KALRN: variants seen among roughly 807,000 people sequenced by gnomAD.
KALRN encodes kalirin.
KALRN carries 70 observed loss-of-function variants against 353.7 expected under a neutral mutation model. The ratio of observed to expected loss-of-function variants is 0.20; its 90% CI spans 0.16 to 0.24. KALRN has a LOEUF of 0.24. KALRN is among the 10% of genes least tolerant of loss of function. The pLI, the probability that KALRN is intolerant of heterozygous loss-of-function variation, is 1.00. For synonymous variants in KALRN, 1,391 were observed against 1,434.8 expected (o/e 0.97, Z 0.69); for missense variants, 2,791 against 3,756.7 (o/e 0.74, Z 6.72).
chr3:124,130,756 G>A (rs2065182858), intron 1 of KALRN, among the ~76,000 whole-genome samples: 1 of 152,104 alleles, frequency 6.6e-6, no homozygotes, highest in African/African-American at 2.4e-5. Context: ...CAGTAGAATG[G>A]ATAAATACAT....
At position 124,446,819 on chromosome 3, in the gene KALRN, T is replaced by C. The variant is rs2093855496; in HGVS notation, c.3486T>C (p.Thr1162=). The C allele has an allele frequency of 1.2e-6, 2 of 1,614,002 alleles. No homozygotes were observed. The highest frequency in any genetic ancestry group is 1.1e-5 in the South Asian group (1 of 91,066). ...TTTACCTCTCAACACATACCTCCAC[T>C]GGAGAGACCACAGAGGAGACTCAGG... ...GEFYLSTHTS[T]GETTEETQEL... Residue 1162 remains threonine, a synonymous_variant, in exon 21 of 60, where the codon ACT becomes ACC. Coordinates refer to ENST00000682506, the MANE Select transcript of KALRN (RefSeq NM_001388419.1).
At chr3:124,445,349 GA>G (rs2150658253) in intron 19 of KALRN, among the ~76,000 whole-genome samples, 1 of 152,268 alleles carries the variant, frequency 6.6e-6, no homozygotes, top group Admixed American at 6.5e-5. Context: ...AAATAAATTT[GA>G]TTGCTTCCAG....
intron 1 of KALRN, among the ~76,000 whole-genome samples, chr3:124,062,295 C>T (rs192850420): frequency 6.6e-6 from 1 of 152,280 alleles, no homozygotes; most frequent in African/African-American, 2.4e-5. Flanking sequence ...ACTCTGTGGT[C>T]TATCTTAGTT....
intron 1 of KALRN, among the ~76,000 whole-genome samples, chr3:124,179,558 GTTAT>G (rs923046550): frequency 2.6e-5 from 4 of 152,244 alleles, no homozygotes; most frequent in South Asian, 2.1e-4. Context: ...AAGTAACATT[GTTAT>G]TTATTATTAT....
intron 25 of KALRN, among the ~76,000 whole-genome samples, chr3:124,468,042 G>T (rs1302133121): frequency 6.6e-6 from 1 of 152,078 alleles, no homozygotes; most frequent in Middle Eastern, 3.4e-3. Flanking sequence ...GAAGGAGATC[G>T]AGGGAAAGAG....
At chr3:124,560,014 G>A (rs1199282292) in intron 33 of KALRN, among the ~76,000 whole-genome samples, 1 of 152,178 alleles carries the variant, frequency 6.6e-6, no homozygotes, top group African/African-American at 2.4e-5. Flanking sequence ...CAGCCTACAG[G>A]AGGCAAACAC....
intron 33 of KALRN, chr3:124,504,749 G>A: frequency 2.3e-6 from 1 of 428,224 alleles, no homozygotes; most frequent in Non-Finnish European, 4.9e-6. Context: ...AGTGAGCACT[G>A]GGATGTGGCA....
chr3:124,633,618 G>A (rs1241213859), intron 35 of KALRN, among the ~76,000 whole-genome samples: 1 of 133,826 alleles, frequency 7.5e-6, no homozygotes, highest in African/African-American at 3.0e-5. Context: ...ATAGTTTCTG[G>A]TTTTGCTTCT....
At chr3:124,357,506 T>C (rs564431269) in intron 10 of KALRN, among the ~76,000 whole-genome samples, 55 of 152,320 alleles carry the variant, frequency 3.6e-4, no homozygotes, top group Admixed American at 8.5e-4. Context: ...CTCTATCCCA[T>C]CTTGTATTCC....
At chr3:124,381,606 A>G (rs1421425081) in intron 10 of KALRN, among the ~76,000 whole-genome samples, 2 of 152,136 alleles carry the variant, frequency 1.3e-5, no homozygotes, top group Non-Finnish European at 2.9e-5. Flanking sequence ...CATTCTCTCT[A>G]TAAAATGTAT....
intron 5 of KALRN, among the ~76,000 whole-genome samples, chr3:124,284,716 A>C (rs1042116767): frequency 6.6e-6 from 1 of 152,216 alleles, no homozygotes; most frequent in Non-Finnish European, 1.5e-5. Flanking sequence ...CACACTAAAC[A>C]TCATGAGGGT....
chr3:124,609,386 T>C (rs1310787904), intron 34 of KALRN, among the ~76,000 whole-genome samples: 1 of 152,186 alleles, frequency 6.6e-6, no homozygotes, highest in Non-Finnish European at 1.5e-5. Context: ...GCCTGATAGT[T>C]TGGGGGTCTC....
chr3:124,605,119 C>T (rs995078777), intron 34 of KALRN, among the ~76,000 whole-genome samples: 24 of 151,824 alleles, frequency 1.6e-4, no homozygotes, highest in Admixed American at 1.3e-3. Context: ...GCTGAGATCA[C>T]GCTATTGCAC....
intron 10 of KALRN, among the ~76,000 whole-genome samples, chr3:124,367,110 G>T (rs2084894791): frequency 1.9e-5 from 2 of 108,080 alleles, no homozygotes; most frequent in African/African-American, 3.8e-5. Flanking sequence ...GGGCTGAGGG[G>T]CTCCTCACTT....
chr3:124,462,250 G>A (rs906395968), intron 24 of KALRN, among the ~76,000 whole-genome samples: 15 of 152,040 alleles, frequency 9.9e-5, no homozygotes, highest in Non-Finnish European at 7.4e-5. Context: ...ACTTAAATTG[G>A]GTCTGAAAAT....
chr3:124,046,420 C>G (rs2040481669), intron 1 of KALRN, among the ~76,000 whole-genome samples: 1 of 152,158 alleles, frequency 6.6e-6, no homozygotes, highest in African/African-American at 2.4e-5. Context: ...TTAAGCTAAC[C>G]TCAGTCATCT....
chr3:124,191,412 C>G (rs2074902236), intron 1 of KALRN, among the ~76,000 whole-genome samples: 1 of 152,212 alleles, frequency 6.6e-6, no homozygotes, highest in Non-Finnish European at 1.5e-5. Flanking sequence ...CTAGGGGCCC[C>G]CAGCCACCAG....
chr3:124,585,350 T>C (rs1250416181), intron 34 of KALRN, among the ~76,000 whole-genome samples: 3 of 152,216 alleles, frequency 2.0e-5, no homozygotes, highest in Admixed American at 6.5e-5. Flanking sequence ...GTTTGACACC[T>C]GTCTGTACAC....
chr3:124,699,831 G>A, intron 55 of KALRN, 38 bp from the exon 56 acceptor site: 1 of 1,605,760 alleles, frequency 6.2e-7, no homozygotes, highest in Non-Finnish European at 8.5e-7. Context: ...TATCCCTTTG[G>A]CTTTTCTCTT....
Sources: gnomAD v4.1 joint callset for allele counts (sites outside exome capture counted in the v4.1 genomes callset) on GRCh38, gnomAD v4.1.1 for gene constraint, MANE v1.5 for transcripts, NCBI Gene and HGNC (gene_info 2026-07-23, HGNC 2026-07-21) for gene names.